Variants in PDE4A observed in about 807,000 individuals in gnomAD.
PDE4A encodes 3',5'-cyclic-AMP phosphodiesterase 4A.
In PDE4A, 21 loss-of-function variants were observed where a neutral mutation model predicts 73.9. The observed-to-expected ratio is 0.28, with a 90% confidence interval of 0.20 to 0.41. The LOEUF is 0.41. Ranked by LOEUF, PDE4A falls within the 10% of genes least tolerant of loss-of-function variation. PDE4A has a pLI of 1.00. For synonymous variants in PDE4A, 463 were observed against 505.4 expected, an observed-to-expected ratio of 0.92 and a Z score of 1.13; for missense variants, 958 against 1,211.4, an observed-to-expected ratio of 0.79 and a Z score of 3.10.
In PDE4A at chr19:10,463,991, A is replaced by G. The variant is rs201051862; in HGVS notation, c.1926+16A>G. On this transcript the variant is annotated intron_variant, in intron 14 of 14. Transcript: ENST00000380702. ...GAAGTCTCAGGTACAGGCTCGGGGCATTGATGGACGGGCACAGGGTGAGTC... is the reference window on the plus strand; with the variant it reads ...GAAGTCTCAGGTACAGGCTCGGGGCGTTGATGGACGGGCACAGGGTGAGTC... 101 of 1,613,922 alleles carry G rather than the reference A, an allele frequency of 6.3e-5. 1 individual carries two copies. In the African/African-American group the frequency reaches 1.2e-3, roughly 20 times the overall value.
intron 7 of PDE4A, among the ~76,000 whole-genome samples, chr19:10,455,749 T>C (rs2043160217): frequency 6.9e-6 from 1 of 145,314 alleles, no homozygotes; most frequent in Non-Finnish European, 1.5e-5. Flanking sequence ...GGCAACAGAG[T>C]GAGACTCTGT....
intron 1 of PDE4A, among the ~76,000 whole-genome samples, chr19:10,431,972 TG>T (rs2042794480): frequency 6.6e-6 from 1 of 151,792 alleles, no homozygotes; most frequent in Non-Finnish European, 1.5e-5. Context: ...TCCCCTCCCC[TG>T]GGTTTATGTC....
chr19:10,451,636 G>A (rs768185473), intron 6 of PDE4A, among the ~76,000 whole-genome samples: 1 of 152,034 alleles, frequency 6.6e-6, no homozygotes, highest in Non-Finnish European at 1.5e-5. Context: ...GGGGAGAGTT[G>A]GACCAGATGG....
intron 1 of PDE4A, among the ~76,000 whole-genome samples, chr19:10,438,692 C>T (rs892558868): frequency 6.6e-6 from 1 of 152,092 alleles, no homozygotes; most frequent in South Asian, 2.1e-4. Context: ...ACTGCAACCT[C>T]CACCTCCCAG....
chr19:10,442,439 G>T (rs1599424133), intron 1 of PDE4A, among the ~76,000 whole-genome samples: 1 of 152,072 alleles, frequency 6.6e-6, no homozygotes, highest in South Asian at 2.1e-4. Flanking sequence ...CAGGAGAATT[G>T]CTTGAACCCG....
upstream of PDE4A, among the ~76,000 whole-genome samples, chr19:10,418,241 T>G (rs1328010392): frequency 2.0e-5 from 3 of 151,860 alleles, no homozygotes; most frequent in Non-Finnish European, 4.4e-5. Flanking sequence ...GATGGTGGAG[T>G]CTTGGAAGGG....
rs762111983 is a variant in PDE4A at position 10,436,517 on chromosome 19, T to C, written c.321-9701T>C. ...TTGCAGTGAGCCGAGATGGCGCCACTGCACTACAGCCTAGGCAATAAGAGC... is the reference window on the plus strand; with the variant it reads ...TTGCAGTGAGCCGAGATGGCGCCACCGCACTACAGCCTAGGCAATAAGAGC... On this transcript the variant is annotated intron_variant, in intron 1 of 14. Transcript: ENST00000380702. Among the ~76,000 whole-genome samples the C allele has an allele frequency of 3.3e-5, 5 of 152,116 alleles. No homozygotes were observed. In the South Asian group the frequency reaches 1.0e-3, roughly 32 times the overall value.
intron 13 of PDE4A, among the ~76,000 whole-genome samples, chr19:10,463,056 G>A (rs771550128): frequency 1.3e-5 from 2 of 150,922 alleles, no homozygotes; most frequent in African/African-American, 2.4e-5. Flanking sequence ...GTCCTGTCCT[G>A]TCCTTTCCTT....
upstream of PDE4A, chr19:10,420,335 GC>G: frequency 2.1e-6 from 2 of 961,970 alleles, no homozygotes; most frequent in South Asian, 4.8e-5. This position sits in a 1 kb window ranked among gnomAD's most constrained non-coding sequence, Gnocchi z 6.0. Context: ...GAGTTCCAGC[GC>G]CCCCTCCCAG....
intron 1 of PDE4A, among the ~76,000 whole-genome samples, chr19:10,439,735 G>A (rs775687681): frequency 2.0e-5 from 3 of 152,086 alleles, no homozygotes; most frequent in Non-Finnish European, 4.4e-5. Context: ...AGGTAGGAGT[G>A]CCTCCTGGCT....
chr19:10,446,055 C>A (rs2042998673), intron 1 of PDE4A, 163 bp from the exon 2 acceptor site: 1 of 650,542 alleles, frequency 1.5e-6, no homozygotes, highest in Non-Finnish European at 1.9e-6. Context: ...CCAGGCTGGT[C>A]TCGAACTCCT....
chr19:10,467,278 A>G lies in PDE4A; in HGVS notation c.2318A>G (p.Glu773Gly). The G allele has an allele frequency of 6.2e-7, 1 of 1,614,144 alleles. No homozygotes were observed. The highest frequency in any genetic ancestry group is 8.5e-7 in the Non-Finnish European group (1 of 1,180,016). The change falls in exon 15 of 15, where the codon GAG becomes GGG. Residue 773 changes from glutamate to glycine, a missense_variant. By Grantham distance (98) the Glu-to-Gly change is moderately conservative (BLOSUM62 -2). Transcript: ENST00000380702. ...GCACAGGAAGCATCCCTGGAGGCCG[A>G]GCTGGAGGCAGTGTATTTGACACAG... ...VMAQEASLEA[E>G]LEAVYLTQQA...
At chr19:10,456,761 T>A (rs12981546) in intron 7 of PDE4A, among the ~76,000 whole-genome samples, 9,090 of 152,072 alleles carry the variant, frequency 0.06, 377 homozygotes, top group Non-Finnish European at 0.094. Context: ...AATACCCCGA[T>A]TTCACTGGAA....
rs1168235624 is a variant in PDE4A, at chr19:10,468,368, C to T, written c.*747C>T. The stretch of plus-strand genomic sequence containing the variant: ...GAGCGTTCACACCGCCAGCCTCGGG[C>T]CTGGGATTTGAGGAGGGCCCTAGAC... On this transcript the variant is annotated 3_prime_UTR_variant, in exon 15 of 15. Coordinates refer to ENST00000380702, the MANE Select transcript of PDE4A (RefSeq NM_001111307.2). 1.3e-5 allele frequency: 2 copies of T among 152,512 alleles called. No homozygotes were observed. Among genetic ancestry groups the T allele is most frequent in the East Asian group, 3.8e-4 (2 of 5,306 alleles). 9.4% of individuals were successfully genotyped at this position (152,512 alleles called of 1,614,324 possible).
At position 10,454,838 on chromosome 19, in the gene PDE4A, A is replaced by T; in HGVS notation, c.793A>T (p.Met265Leu). Residue 265 changes from methionine to leucine, a missense_variant, in exon 7 of 15, where the codon ATG (methionine) becomes TTG (leucine). This residue lies in a region of PDE4A where 570 missense variants were observed against 827.7 expected (regional missense o/e 0.69). Transcript: ENST00000380702. ...SEMASHKFKRMLNRELTHLSE... is the reference protein window; with the variant it reads ...SEMASHKFKRLLNRELTHLSE... ...GACTCCTTTACCTTAGTTCAAAAGG[A>T]TGTTGAACCGTGAGCTCACACACCT... is the stretch of plus-strand genomic sequence containing the variant. The T allele has an allele frequency of 6.2e-7, 1 of 1,614,030 alleles. No individual in the cohort carries two copies. The highest frequency in any genetic ancestry group is 8.5e-7 in the Non-Finnish European group (1 of 1,179,944).
chr19:10,444,771 C>G (rs1166480152), intron 1 of PDE4A, among the ~76,000 whole-genome samples: 5 of 150,786 alleles, frequency 3.3e-5, no homozygotes, highest in Non-Finnish European at 7.4e-5. Context: ...TTCCTGGGTT[C>G]AAGTGATTCT....
intron 12 of PDE4A, 64 bp downstream of exon 12, chr19:10,461,744 G>A (rs915727533): frequency 5.1e-5 from 81 of 1,595,120 alleles, no homozygotes; most frequent in Non-Finnish European, 6.3e-5. Flanking sequence ...CTTTGGGGAG[G>A]AGTGGGTCTG....
chr19:10,416,979 A>C, upstream of PDE4A: 1 of 1,541,670 alleles, frequency 6.5e-7, no homozygotes, highest in South Asian at 1.2e-5. Context: ...CGTGGCAGGG[A>C]CCGGGGACGA....
intron 2 of PDE4A, among the ~76,000 whole-genome samples, chr19:10,447,226 T>C (rs1338696925): frequency 4.1e-5 from 5 of 121,650 alleles, no homozygotes; most frequent in African/African-American, 1.6e-4. Flanking sequence ...TCTTTTTTTT[T>C]TTTTTTTTTT....
Sources: allele counts gnomAD v4.1 joint callset (sites outside exome capture counted in the v4.1 genomes callset), GRCh38; gene constraint gnomAD v4.1.1; regional missense constraint gnomAD v4.1.1; non-coding constraint Gnocchi (gnomAD v3.1); transcripts MANE v1.5; gene names NCBI Gene and HGNC (gene_info 2026-07-23, HGNC 2026-07-21).